The following FGF14 variants were observed in gnomAD, a reference collection of about 807,000 sequenced individuals.
FGF14 encodes fibroblast growth factor 14, also known as fibroblast growth factor homologous factor 4.
Under a neutral mutation model 25.5 loss-of-function variants are expected in FGF14, and 5 were observed. That is an observed-to-expected ratio of 0.20 (90% CI 0.10 to 0.41). FGF14 has a LOEUF of 0.41. FGF14 is among the 10% of genes least tolerant of loss of function. FGF14 has a pLI of 1.00. For missense variants in FGF14, 222 were observed against 320.1 expected (o/e 0.69, Z 2.34); for synonymous variants, 138 against 118.3 (o/e 1.17, Z -1.08).
intron 2 of FGF14, among the ~76,000 whole-genome samples, chr13:101,869,219 G>C (rs559416551): frequency 1.1e-4 from 16 of 152,194 alleles, no homozygotes; most frequent in Admixed American, 5.2e-4. Flanking sequence ...CCTTCGCACA[G>C]AAGGTGTGAT....
At chr13:101,744,108 C>A (rs959938748) in intron 3 of FGF14, among the ~76,000 whole-genome samples, 4 of 152,132 alleles carry the variant, frequency 2.6e-5, no homozygotes, top group Non-Finnish European at 4.4e-5. Context: ...ACATTTGCAA[C>A]CTTTGTATCT....
chr13:101,815,588 G>A (rs533562018), intron 3 of FGF14, among the ~76,000 whole-genome samples: 60 of 152,262 alleles, frequency 3.9e-4, no homozygotes, highest in African/African-American at 1.4e-3. Context: ...AGCTAAGTGA[G>A]GGCTTCATCG....
At chr13:101,785,625 A>T (rs1328355) in intron 3 of FGF14, among the ~76,000 whole-genome samples, 151,230 of 152,212 alleles carry the variant, frequency 0.99, 75,137 homozygotes, top group East Asian at 1. Flanking sequence ...TTATCTATTA[A>T]CTATTATCAA....
intron 1 of FGF14, among the ~76,000 whole-genome samples, chr13:101,985,839 T>C (rs2038544550): frequency 6.6e-6 from 1 of 152,230 alleles, no homozygotes; most frequent in African/African-American, 2.4e-5. Flanking sequence ...AAATGATCTT[T>C]CAGTTTCCCA....
At chr13:102,265,561 G>T (rs1159287172) in intron 1 of FGF14, among the ~76,000 whole-genome samples, 1 of 152,122 alleles carries the variant, frequency 6.6e-6, no homozygotes, top group African/African-American at 2.4e-5. Context: ...GACTGTACCT[G>T]ATAGTTGCAT....
At chr13:102,005,431 C>T (rs2039731603) in intron 1 of FGF14, among the ~76,000 whole-genome samples, 1 of 152,164 alleles carries the variant, frequency 6.6e-6, no homozygotes, top group African/African-American at 2.4e-5. Context: ...GGTTTTAATG[C>T]TTTTCATCTT....
intron 1 of FGF14, among the ~76,000 whole-genome samples, chr13:101,931,385 G>C (rs1279698239): frequency 6.6e-6 from 1 of 152,098 alleles, no homozygotes; most frequent in African/African-American, 2.4e-5. Flanking sequence ...GTTTGCATTT[G>C]CTTTCTTTGG....
At chr13:102,162,415 C>T (rs2047817038) in intron 1 of FGF14, among the ~76,000 whole-genome samples, 1 of 152,102 alleles carries the variant, frequency 6.6e-6, no homozygotes, top group Non-Finnish European at 1.5e-5. Flanking sequence ...ATTTCCAAAG[C>T]AATTAATATA....
chr13:102,359,168 G>A (rs2057497956), intron 1 of FGF14, among the ~76,000 whole-genome samples: 1 of 152,076 alleles, frequency 6.6e-6, no homozygotes, highest in Non-Finnish European at 1.5e-5. Flanking sequence ...GGACCTGTCA[G>A]TGGGGGTGGG....
Position 101,916,529 on chromosome 13 carries a change from G to C in FGF14, c.117C>G (p.Leu39=), listed in dbSNP as rs1431862211. 1 of 1,613,790 alleles carries C rather than the reference G, an allele frequency of 6.2e-7. No homozygotes were observed. Among genetic ancestry groups the C allele is most frequent in the Admixed American group, 1.7e-5 (1 of 60,038 alleles). The change falls in exon 1 of 5, where the codon CTC becomes CTG. Residue 39 remains leucine (L), a synonymous_variant. Transcript: ENST00000376143. ...AGATATCCACCAGGTTGCCGTTGCAGAGCCCGCGGTTCTTGCTGGGGCTGC... is the reference window on the plus strand; with the variant it reads ...AGATATCCACCAGGTTGCCGTTGCACAGCCCGCGGTTCTTGCTGGGGCTGC... ...RRSSPSKNRG[L]CNGNLVDIFS...
intron 1 of FGF14, among the ~76,000 whole-genome samples, chr13:102,361,207 A>C (rs1437269026): frequency 6.6e-6 from 1 of 152,196 alleles, no homozygotes; most frequent in Non-Finnish European, 1.5e-5. Context: ...AAAGAAAAGC[A>C]AATGTCATCA....
At chr13:102,230,032 C>T (rs1361550194) in intron 1 of FGF14, among the ~76,000 whole-genome samples, 1 of 152,152 alleles carries the variant, frequency 6.6e-6, no homozygotes, top group Non-Finnish European at 1.5e-5. Context: ...CAATCCTCAC[C>T]CCCAAGGTGA....
intron 1 of FGF14, among the ~76,000 whole-genome samples, chr13:102,331,944 G>A (rs1030008225): frequency 5.3e-5 from 8 of 152,122 alleles, no homozygotes; most frequent in Admixed American, 3.3e-4. Context: ...GGAATAGAAA[G>A]GGCACAGAAA....
chr13:102,223,256 G>C (rs2050695344), intron 1 of FGF14, among the ~76,000 whole-genome samples: 1 of 152,276 alleles, frequency 6.6e-6, no homozygotes, highest in South Asian at 2.1e-4. Flanking sequence ...TCAGTGACTA[G>C]CTAGACATAG....
intron 3 of FGF14, among the ~76,000 whole-genome samples, chr13:101,863,751 C>T (rs188950452): frequency 4.3e-4 from 66 of 152,108 alleles, no homozygotes; most frequent in African/African-American, 9.9e-4. Context: ...ACTTGAGCAA[C>T]GAAGAGAGGA....
At chr13:102,232,116 T>C (rs1352573022) in intron 1 of FGF14, among the ~76,000 whole-genome samples, 1 of 152,168 alleles carries the variant, frequency 6.6e-6, no homozygotes, top group Non-Finnish European at 1.5e-5. Context: ...TGAAATTAAA[T>C]AAATGAATCC....
intron 1 of FGF14, among the ~76,000 whole-genome samples, chr13:101,889,261 C>T (rs536680966): frequency 1.1e-4 from 17 of 152,272 alleles, no homozygotes; most frequent in Admixed American, 3.9e-4. Flanking sequence ...TCAACTGCCA[C>T]GTTCACCGAT....
chr13:101,905,127 G>C (rs964786059), intron 1 of FGF14, among the ~76,000 whole-genome samples: 1 of 152,146 alleles, frequency 6.6e-6, no homozygotes, highest in Non-Finnish European at 1.5e-5. Flanking sequence ...AAGGAGTGGA[G>C]GCAGATCTGG....
chr13:101,938,404 T>C (rs898414215), intron 1 of FGF14, among the ~76,000 whole-genome samples: 1 of 152,228 alleles, frequency 6.6e-6, no homozygotes, highest in Non-Finnish European at 1.5e-5. Flanking sequence ...AATATCTTCA[T>C]GAAATTAGTG....
Sources: gnomAD v4.1 joint callset for allele counts (sites outside exome capture counted in the v4.1 genomes callset) on GRCh38, gnomAD v4.1.1 for gene constraint, MANE v1.5 for transcripts, NCBI Gene and HGNC (gene_info 2026-07-23, HGNC 2026-07-21) for gene names.